The following CBLB variants were observed in gnomAD, a reference collection of about 807,000 sequenced individuals.
CBLB encodes the protein E3 ubiquitin-protein ligase CBL-B.
Under a neutral mutation model 104.9 loss-of-function variants are expected in CBLB, and 31 were observed. The observed-to-expected ratio is 0.30, with a 90% CI of 0.22 to 0.40. The LOEUF (loss-of-function observed/expected upper bound fraction) is 0.40, where lower values mean the gene tolerates loss of function less well. CBLB is among the 10% of genes least tolerant of loss of function. The pLI is 1.00. For missense variants in CBLB, 1,062 were observed against 1,214.6 expected (o/e 0.87, Z 1.87); for synonymous variants, 440 against 422.6 (o/e 1.04, Z -0.51).
rs775416848 is a variant in CBLB at position 105,746,048 on chromosome 3, A to T, written c.724-10T>A. 6.4e-6 allele frequency: 10 copies of T among 1,570,960 alleles called. No homozygotes were observed. The highest frequency in any genetic ancestry group is 8.8e-6 in the Non-Finnish European group (10 of 1,142,058). Reference sequence around the variant, plus strand: ...AAATAGAGCCCCAAGGCTAAAAAATAAAAAAATTAAAAGAGATTAGTATCT... The same window carrying T: ...AAATAGAGCCCCAAGGCTAAAAAATTAAAAAATTAAAAGAGATTAGTATCT... On this transcript the variant is annotated splice_polypyrimidine_tract_variant and intron_variant, in intron 5 of 18. Transcript: ENST00000394030.
intron 10 of CBLB, among the ~76,000 whole-genome samples, chr3:105,704,375 A>T (rs2069741059): frequency 6.6e-6 from 1 of 152,220 alleles, no homozygotes; most frequent in Admixed American, 6.5e-5. Flanking sequence ...AAGACTGATA[A>T]GTTTTTCCTA....
At chr3:105,820,702 G>A (rs1439540788) in intron 3 of CBLB, among the ~76,000 whole-genome samples, 1 of 151,944 alleles carries the variant, frequency 6.6e-6, no homozygotes, top group African/African-American at 2.4e-5. Context: ...AAAGAGCACA[G>A]AAAGAAATTC....
chr3:105,841,794 G>A (rs6767627), intron 3 of CBLB, among the ~76,000 whole-genome samples: 35,900 of 151,896 alleles, frequency 0.24, 4,557 homozygotes, highest in East Asian at 0.48. Flanking sequence ...CCAAAATAGA[G>A]TAAATATCCT....
intron 3 of CBLB, among the ~76,000 whole-genome samples, chr3:105,778,355 T>A (rs1436279348): frequency 2.0e-5 from 3 of 152,192 alleles, no homozygotes; most frequent in African/African-American, 7.2e-5. Context: ...ACTCATGTTT[T>A]TTACCAAGGA....
chr3:105,799,829 A>G (rs1036857927), intron 3 of CBLB, among the ~76,000 whole-genome samples: 16 of 152,184 alleles, frequency 1.1e-4, no homozygotes, highest in African/African-American at 3.6e-4. Context: ...AAGTTATAGG[A>G]TACATGAACG....
intron 14 of CBLB, among the ~76,000 whole-genome samples, chr3:105,684,111 A>C (rs1041393669): frequency 1.3e-5 from 2 of 152,250 alleles, no homozygotes; most frequent in Non-Finnish European, 2.9e-5. Flanking sequence ...AGGAAATGGC[A>C]CACTAAGTAA....
chr3:105,818,073 A>G (rs895813105), intron 3 of CBLB, among the ~76,000 whole-genome samples: 16 of 152,180 alleles, frequency 1.1e-4, no homozygotes, highest in Non-Finnish European at 2.4e-4. Context: ...AATATGTCAC[A>G]ATAATATTAA....
chr3:105,801,112 A>C (rs902503572), intron 3 of CBLB, among the ~76,000 whole-genome samples: 1 of 152,190 alleles, frequency 6.6e-6, no homozygotes, highest in African/African-American at 2.4e-5. Context: ...GAGCAGGCTG[A>C]AAACCAAATT....
chr3:105,831,115 T>C lies in CBLB; in HGVS notation c.419+22299A>G, dbSNP rs1283584632. ...CCAAACCAGACCATACACATAACCA[T>C]GTTCATGGTTGAAAAATCAGAAGAG... On this transcript the variant is annotated intron_variant, in intron 3 of 18. Coordinates refer to ENST00000394030, the MANE Select transcript of CBLB (RefSeq NM_170662.5). 3.9e-5 allele frequency among the ~76,000 whole-genome samples: 6 copies of C among 152,294 alleles called. No homozygotes were observed. In the East Asian group the frequency reaches 1.2e-3, roughly 29 times the overall value.
At chr3:105,720,439 T>A (rs2072638241) in intron 9 of CBLB, among the ~76,000 whole-genome samples, 189 bp from the exon 10 acceptor site, 1 of 152,126 alleles carries the variant, frequency 6.6e-6, no homozygotes, top group Non-Finnish European at 1.5e-5. Flanking sequence ...TAATAAATGG[T>A]CAGTATCTTC....
At chr3:105,689,903 A>G (rs1457067747) in intron 13 of CBLB, among the ~76,000 whole-genome samples, 1 of 152,134 alleles carries the variant, frequency 6.6e-6, no homozygotes, top group Admixed American at 6.5e-5. Flanking sequence ...ATATAGATAC[A>G]AATAATTTCA....
At chr3:105,769,455 C>T (rs1329504843) in intron 4 of CBLB, among the ~76,000 whole-genome samples, 1 of 152,138 alleles carries the variant, frequency 6.6e-6, no homozygotes, top group Non-Finnish European at 1.5e-5. Flanking sequence ...GAAATGGGGG[C>T]ATGTCAGCAG....
intron 3 of CBLB, among the ~76,000 whole-genome samples, chr3:105,801,128 G>C (rs1324428234): frequency 6.6e-6 from 1 of 152,094 alleles, no homozygotes; most frequent in African/African-American, 2.4e-5. Flanking sequence ...AAATTTTTTA[G>C]AGAGGATTTA....
intron 5 of CBLB, among the ~76,000 whole-genome samples, chr3:105,750,612 C>T (rs2076514773): frequency 6.6e-6 from 1 of 152,112 alleles, no homozygotes; most frequent in African/African-American, 2.4e-5. Flanking sequence ...ACAGATGATA[C>T]ACATTTTAGT....
chr3:105,830,754 T>C (rs185560274), intron 3 of CBLB, among the ~76,000 whole-genome samples: 137 of 152,340 alleles, frequency 9.0e-4, no homozygotes, highest in Middle Eastern at 3.4e-3. Context: ...TAATGTGAAG[T>C]ACAATGTCTA....
chr3:105,853,719 T>C lies in CBLB; in HGVS notation c.169-55A>G, dbSNP rs1048609844. 5.4e-6 allele frequency: 7 copies of C among 1,285,784 alleles called. No homozygotes were observed. In the African/African-American group the frequency reaches 9.0e-5, roughly 17 times the overall value. The allele number at this position is 1,285,784 out of a possible 1,614,324, so 79.6% of individuals were successfully genotyped here. A position where few individuals can be genotyped will look rare whatever the true frequency, so the allele number is the denominator to read the frequency against. ...CATAATATTTTATTTCACAGAAAAA[T>C]TAAAAAGTTAGAGAACCATGTCCTA... On this transcript the variant is annotated intron_variant, in intron 2 of 18. Coordinates refer to ENST00000394030, the MANE Select transcript of CBLB (RefSeq NM_170662.5).
At chr3:105,670,551 A>G (rs1361024648) in intron 17 of CBLB, 199 bp from the exon 18 acceptor site, 1 of 556,730 alleles carries the variant, frequency 1.8e-6, no homozygotes, top group Admixed American at 3.2e-5. Context: ...TGCTCTTCAC[A>G]TTTATTTCCA....
At chr3:105,863,936 C>T (rs746644626) in intron 2 of CBLB, among the ~76,000 whole-genome samples, 44 of 152,100 alleles carry the variant, frequency 2.9e-4, no homozygotes, top group Admixed American at 5.9e-4. Flanking sequence ...AAAATTGTTT[C>T]TTCTATTTTC....
chr3:105,831,042 C>A, intron 3 of CBLB, among the ~76,000 whole-genome samples: 1 of 152,098 alleles, frequency 6.6e-6, no homozygotes, highest in Non-Finnish European at 1.5e-5. Flanking sequence ...TGCATGGTAA[C>A]CAGAGTAACT....
Sources: allele counts gnomAD v4.1 joint callset (sites outside exome capture counted in the v4.1 genomes callset), GRCh38; gene constraint gnomAD v4.1.1; transcripts MANE v1.5; gene names NCBI Gene and HGNC (gene_info 2026-07-23, HGNC 2026-07-21).